The following NUP93 variants were observed in gnomAD, a reference collection of about 807,000 sequenced individuals.
The protein encoded by NUP93 is nucleoporin 93.
A neutral mutation model predicts 107.8 loss-of-function variants in NUP93; 55 were observed. The observed-to-expected ratio is 0.51, with a 90% CI of 0.41 to 0.64. The LOEUF (loss-of-function observed/expected upper bound fraction) is 0.64, where lower values mean the gene tolerates loss of function less well. NUP93 is among the 30% of genes least tolerant of loss of function. NUP93 has a pLI of 0.00. For synonymous variants in NUP93, 390 were observed against 397.5 expected (o/e 0.98, Z 0.22); for missense variants, 937 against 1,044.7 (o/e 0.90, Z 1.42).
At chr16:56,814,455 G>A (rs987200858) in intron 5 of NUP93, among the ~76,000 whole-genome samples, 1 of 152,172 alleles carries the variant, frequency 6.6e-6, no homozygotes, top group Non-Finnish European at 1.5e-5. Flanking sequence ...CTCCCAAAGT[G>A]CTGAGATTAT....
chr16:56,845,238 A>G lies in NUP93; in HGVS notation c.*629A>G, dbSNP rs1964102421. ...AAGCATAGACCTAGAAAAAGCCTTA[A>G]GAAGGAAGGTTGCAAGTGCCCCCAG... On this transcript the variant is annotated 3_prime_UTR_variant, in exon 22 of 22. Coordinates refer to ENST00000308159, the MANE Select transcript of NUP93 (RefSeq NM_014669.5). 1 of 158,594 alleles carries G rather than the reference A, an allele frequency of 6.3e-6. No homozygotes were observed. The allele number at this position is 158,594 out of a possible 1,614,324, so 9.8% of individuals were successfully genotyped here. A position where few individuals can be genotyped will look rare whatever the true frequency, so the allele number is the denominator to read the frequency against.
At chr16:56,752,736 C>T (rs1159998667) in intron 2 of NUP93, among the ~76,000 whole-genome samples, 1 of 152,164 alleles carries the variant, frequency 6.6e-6, no homozygotes, top group Non-Finnish European at 1.5e-5. Flanking sequence ...AAGAATCACA[C>T]TTGCAATTTC....
Position 56,812,200 on chromosome 16 carries a change from C to G in NUP93, c.490-6464C>G, listed in dbSNP as rs570450984. Among the ~76,000 whole-genome samples the G allele has an allele frequency of 1.8e-4, 27 of 152,146 alleles. No individual in the cohort carries two copies. The South Asian group carries it at 5.2e-3, about 29-fold the overall frequency. On this transcript the variant is annotated intron_variant, in intron 5 of 21. Coordinates refer to ENST00000308159, the MANE Select transcript of NUP93 (RefSeq NM_014669.5). ...ATTTAATATAAAGAGAGGCTCAAAGCTTTTTTTGTTTGTTTGTTTAGCAAA... is the reference window on the plus strand; with the variant it reads ...ATTTAATATAAAGAGAGGCTCAAAGGTTTTTTTGTTTGTTTGTTTAGCAAA...
chr16:56,831,752 T>G, intron 10 of NUP93, 90 bp from the exon 11 acceptor site: 2 of 1,329,264 alleles, frequency 1.5e-6, no homozygotes, highest in Admixed American at 2.0e-5. Flanking sequence ...CTTCCCTGCT[T>G]TTATGTGTTT....
intron 1 of NUP93, among the ~76,000 whole-genome samples, chr16:56,740,346 C>T (rs369975833): frequency 0.092 from 13,328 of 144,784 alleles, 56 homozygotes; most frequent in East Asian, 0.13. Flanking sequence ...ACCTCCCAGA[C>T]GGGGTCTCGG....
chr16:56,756,431 A>G (rs147726069), intron 2 of NUP93, among the ~76,000 whole-genome samples: 15,306 of 151,304 alleles, frequency 0.1, 795 homozygotes, highest in East Asian at 0.15. Context: ...GCTGAGAATG[A>G]TAGCTTCCAG....
At position 56,849,151 on chromosome 16, in the gene NUP93, C is replaced by T. The variant is rs1031812838; in HGVS notation, c.*4542C>T. 2.0e-5 allele frequency: 3 copies of T among 152,134 alleles called. No individual in the cohort carries two copies. Among genetic ancestry groups the T allele is most frequent in the Non-Finnish European group, 4.4e-5 (3 of 68,042 alleles). The allele number at this position is 152,134 out of a possible 1,614,324, so 9.4% of individuals were successfully genotyped here. Reference sequence around the variant, plus strand: ...CCTAGATTCAGACTCCGTGATTCACCGTGGGGGCCCTTAATAGGCATTCAG... The same window carrying T: ...CCTAGATTCAGACTCCGTGATTCACTGTGGGGGCCCTTAATAGGCATTCAG... On this transcript the variant is annotated 3_prime_UTR_variant, in exon 22 of 22. Coordinates refer to ENST00000308159, the MANE Select transcript of NUP93 (RefSeq NM_014669.5).
chr16:56,780,207 G>A (rs1962488579), intron 3 of NUP93, among the ~76,000 whole-genome samples: 1 of 152,162 alleles, frequency 6.6e-6, no homozygotes, highest in African/African-American at 2.4e-5. Context: ...AAGCTTGATT[G>A]TTGAATGTTA....
chr16:56,844,896 A>G lies in NUP93; in HGVS notation c.*287A>G. 1 of 391,244 alleles carries G rather than the reference A, an allele frequency of 2.6e-6. No individual in the cohort carries two copies. Among genetic ancestry groups the G allele is most frequent in the Non-Finnish European group, 4.5e-6 (1 of 222,226 alleles). The allele number at this position is 391,244 out of a possible 1,614,324, so 24.2% of individuals were successfully genotyped here. ...ATGAGAGGCTATGTAGATATTCATT[A>G]TTTGGTTAAATTGACCTTAATTAAT... On this transcript the variant is annotated 3_prime_UTR_variant, in exon 22 of 22. Coordinates refer to ENST00000308159, the MANE Select transcript of NUP93 (RefSeq NM_014669.5).
chr16:56,767,705 T>G (rs1450114531), intron 3 of NUP93, among the ~76,000 whole-genome samples: 1 of 152,238 alleles, frequency 6.6e-6, no homozygotes, highest in Non-Finnish European at 1.5e-5. Context: ...GTTTTCTCTC[T>G]TCTTCTAGTA....
chr16:56,777,068 C>T (rs1189095593), intron 3 of NUP93, among the ~76,000 whole-genome samples: 1 of 152,076 alleles, frequency 6.6e-6, no homozygotes, highest in East Asian at 1.9e-4. Flanking sequence ...GAAACAGAGA[C>T]AGACTGATAG....
chr16:56,733,690 T>A (rs1488507068), intron 1 of NUP93, among the ~76,000 whole-genome samples: 1 of 152,014 alleles, frequency 6.6e-6, no homozygotes, highest in Non-Finnish European at 1.5e-5. Flanking sequence ...GGGAAAAGAG[T>A]TGGGCTGGAC....
At chr16:56,829,806 G>C (rs1963743142) in intron 9 of NUP93, among the ~76,000 whole-genome samples, 6 of 152,224 alleles carry the variant, frequency 3.9e-5, no homozygotes, top group Admixed American at 3.9e-4. Flanking sequence ...GACTTAAACA[G>C]CTCAAAGGGG....
chr16:56,795,225 A>C (rs1397131088), intron 3 of NUP93, among the ~76,000 whole-genome samples: 1 of 152,150 alleles, frequency 6.6e-6, no homozygotes, highest in Non-Finnish European at 1.5e-5. Context: ...GTTTGGGAGC[A>C]TTAGTCATTG....
intron 5 of NUP93, 85 bp from the exon 6 acceptor site, chr16:56,818,579 C>T: frequency 3.7e-6 from 4 of 1,090,692 alleles, no homozygotes; most frequent in East Asian, 2.4e-5. Context: ...CTGTTAAAGA[C>T]AAGAATATGT....
chr16:56,749,213 G>C (rs1254400795), intron 2 of NUP93, among the ~76,000 whole-genome samples: 1 of 152,156 alleles, frequency 6.6e-6, no homozygotes, highest in Non-Finnish European at 1.5e-5. Flanking sequence ...AAACTATGCT[G>C]CTTTCCTTAA....
intron 5 of NUP93, among the ~76,000 whole-genome samples, chr16:56,808,255 A>T (rs1963206306): frequency 5.0e-5 from 2 of 39,896 alleles, no homozygotes; most frequent in Admixed American, 3.5e-4. Flanking sequence ...ACTATATAAA[A>T]TATATAGTTA....
intron 3 of NUP93, among the ~76,000 whole-genome samples, chr16:56,768,465 A>G (rs1367867620): frequency 6.6e-6 from 1 of 152,078 alleles, no homozygotes; most frequent in African/African-American, 2.4e-5. Flanking sequence ...CGGGAGGCTG[A>G]GGCAGGAGAA....
At chr16:56,844,325 T>C (rs1237160662) in intron 21 of NUP93, among the ~76,000 whole-genome samples, 174 bp from the exon 22 acceptor site, 1 of 152,146 alleles carries the variant, frequency 6.6e-6, no homozygotes, top group Non-Finnish European at 1.5e-5. Context: ...CTTTGTGTTA[T>C]GTTGAAGGAA....
Sources: allele counts gnomAD v4.1 joint callset (sites outside exome capture counted in the v4.1 genomes callset), GRCh38; gene constraint gnomAD v4.1.1; transcripts MANE v1.5; gene names NCBI Gene and HGNC (gene_info 2026-07-23, HGNC 2026-07-21).